Variants in GGA2 observed in about 807,000 individuals in gnomAD.
GGA2 encodes ADP-ribosylation factor-binding protein GGA2.
In GGA2, 48 loss-of-function variants were observed where a neutral mutation model predicts 79.5. The observed-to-expected ratio is 0.60, with a 90% CI of 0.48 to 0.77. The LOEUF is 0.77. Among genes scored for constraint, GGA2 ranks in the 30% least tolerant of loss-of-function variants. The pLI, the probability that GGA2 is intolerant of heterozygous loss-of-function variation, is 0.00. For synonymous variants in GGA2, 317 were observed against 302.0 expected, an observed-to-expected ratio of 1.05 and a Z score of -0.51; for missense variants, 770 against 774.0, an observed-to-expected ratio of 0.99 and a Z score of 0.06.
rs981736918 is a variant in GGA2 at position 23,518,060 on chromosome 16, G to A, written c.61+1527C>T. 4.0e-5 allele frequency among the ~76,000 whole-genome samples: 6 copies of A among 151,632 alleles called. No homozygotes were observed. In the East Asian group the frequency reaches 7.7e-4, roughly 20 times the overall value. On this transcript the variant is annotated intron_variant, in intron 2 of 5. Transcript: ENST00000569300. ...CCTAAGTAGCTGGGATTACAGGTGC[G>A]CACCACCATGCCTGGCTAATTTTTG...
At chr16:23,505,234 T>C (rs763330969) in intron 1 of GGA2, among the ~76,000 whole-genome samples, 10 of 151,916 alleles carry the variant, frequency 6.6e-5, no homozygotes, top group Non-Finnish European at 1.0e-4. Context: ...TAGGACCAAG[T>C]GGAAGGAAGA....
In GGA2 at chr16:23,464,612, G is replaced by T. The variant is rs1014333674; in HGVS notation, c.*2978C>A. On this transcript the variant is annotated 3_prime_UTR_variant, in exon 17 of 17. Transcript: ENST00000309859. ...AATGTAAGTGCAGGGAGGACATGAT[G>T]TGGGATTATTTAGAAAACAGGCCAA... The T allele has an allele frequency of 1.3e-5, 2 of 152,086 alleles. No individual in the cohort carries two copies. The highest frequency in any genetic ancestry group is 1.3e-4 in the Admixed American group (2 of 15,262). The allele number at this position is 152,086 out of a possible 1,614,324, so 9.4% of individuals were successfully genotyped here.
At chr16:23,474,860 C>G (rs1264381881) in intron 14 of GGA2, 44 bp downstream of exon 14, 6 of 1,444,956 alleles carry the variant, frequency 4.2e-6, no homozygotes, top group Non-Finnish European at 4.9e-6. Flanking sequence ...CTAATAGATT[C>G]CCAGGGAAAA....
upstream of GGA2, chr16:23,510,558 C>CT (rs536540899): frequency 3.8e-5 from 15 of 389,738 alleles, no homozygotes; most frequent in Middle Eastern, 1.3e-3. Context: ...CCCAGGCCCC[C>CT]CCTCCACGCG....
chr16:23,487,000 T>G (rs1362574448), intron 6 of GGA2, among the ~76,000 whole-genome samples: 1 of 150,646 alleles, frequency 6.6e-6, no homozygotes, highest in African/African-American at 2.4e-5. Flanking sequence ...TTTTTTTTTT[T>G]GAGACGGGGT....
At chr16:23,476,611 A>T (rs769012571) in intron 13 of GGA2, among the ~76,000 whole-genome samples, 4 of 152,232 alleles carry the variant, frequency 2.6e-5, no homozygotes, top group African/African-American at 4.8e-5. Context: ...CACAGATATA[A>T]TATGAAAAGG....
intron 13 of GGA2, 80 bp from the exon 14 acceptor site, chr16:23,475,141 C>A: frequency 5.1e-6 from 4 of 782,108 alleles, no homozygotes; most frequent in Non-Finnish European, 4.0e-6. Context: ...TATTAAAGAA[C>A]AAGGAAAAAA....
At chr16:23,469,253 G>C in intron 15 of GGA2, 1 of 384,408 alleles carries the variant, frequency 2.6e-6, no homozygotes. Context: ...CTGAGACGCA[G>C]CATCAACAGC....
intron 14 of GGA2, among the ~76,000 whole-genome samples, chr16:23,471,233 C>A (rs1365676526): frequency 6.6e-6 from 1 of 152,150 alleles, no homozygotes; most frequent in African/African-American, 2.4e-5. Flanking sequence ...CACACACACA[C>A]AATATACCAC....
chr16:23,510,321 T>C lies in GGA2; in HGVS notation c.91A>G (p.Asn31Asp). The C allele has an allele frequency of 1.4e-6, 2 of 1,434,730 alleles. No homozygotes were observed. Among genetic ancestry groups the C allele is most frequent in the Non-Finnish European group, 1.8e-6 (2 of 1,093,142 alleles). 88.9% of individuals were successfully genotyped at this position (1,434,730 alleles called of 1,614,324 possible). Reference sequence around the variant, plus strand: ...GCCGAAGGCCTGCCAGGCTACTCACTGAGCCACAGCTCCAGCGACGCTGCC... The same window carrying C: ...GCCGAAGGCCTGCCAGGCTACTCACCGAGCCACAGCTCCAGCGACGCTGCC... ...GPAASLELWLNKATDPSMSEQ... is the reference protein window; with the variant it reads ...GPAASLELWLDKATDPSMSEQ... The change falls in exon 1 of 17, where the codon AAC becomes GAC. Residue 31 changes from asparagine to aspartate, a missense_variant and splice_region_variant. By Grantham distance (23) the Asn-to-Asp change is conservative. Coordinates refer to ENST00000309859, the MANE Select transcript of GGA2 (RefSeq NM_015044.4).
intron 2 of GGA2, chr16:23,519,562 A>G: frequency 2.5e-6 from 1 of 400,126 alleles, no homozygotes; most frequent in Non-Finnish European, 5.0e-6. Context: ...TTAATTGGTG[A>G]TGTAGGAGAA....
At position 23,495,811 on chromosome 16, in the gene GGA2, T is replaced by C. The variant is rs138463237; in HGVS notation, c.92-33A>G. On this transcript the variant is annotated intron_variant, in intron 1 of 16. Coordinates refer to ENST00000309859, the MANE Select transcript of GGA2 (RefSeq NM_015044.4). ...ATAAATAATAAAGTTAGAGAGTACA[T>C]AATAGGAAGAAATTTACACCCCTCC... The C allele has an allele frequency of 8.0e-5, 116 of 1,445,722 alleles. No homozygotes were observed. In the African/African-American group the frequency reaches 1.0e-3, roughly 13 times the overall value. The allele number at this position is 1,445,722 out of a possible 1,614,324, so 89.6% of individuals were successfully genotyped here.
chr16:23,493,797 T>TG (rs2142133499), intron 3 of GGA2: 2 of 322,890 alleles, frequency 6.2e-6, no homozygotes, highest in East Asian at 1.5e-4. Flanking sequence ...TGGTATCCAG[T>TG]GCCCAAGACC....
chr16:23,510,478 T>C lies in GGA2; in HGVS notation c.-67A>G, dbSNP rs987278673. 4.7e-5 allele frequency: 27 copies of C among 578,410 alleles called. No homozygotes were observed. Among genetic ancestry groups the C allele is most frequent in the African/African-American group, 2.3e-4 (12 of 51,572 alleles). 35.8% of individuals were successfully genotyped at this position (578,410 alleles called of 1,614,324 possible). A position where few individuals can be genotyped will look rare whatever the true frequency, so the allele number is the denominator to read the frequency against. On this transcript the variant is annotated 5_prime_UTR_variant, in exon 1 of 17. Transcript: ENST00000309859. Reference sequence around the variant, plus strand: ...TTCAGCCGCTGTAGCGTCCTGGCGCTCTCCTCTGCTGACTGCGCGGCAGGA... The same window carrying C: ...TTCAGCCGCTGTAGCGTCCTGGCGCCCTCCTCTGCTGACTGCGCGGCAGGA...
intron 8 of GGA2, among the ~76,000 whole-genome samples, chr16:23,483,245 G>A (rs540760984): frequency 2.4e-4 from 37 of 152,282 alleles, no homozygotes; most frequent in African/African-American, 8.9e-4. Context: ...GGTGGCTCAC[G>A]TCTGTAATCC....
At chr16:23,480,521 G>C (rs1340282659) in intron 10 of GGA2, 124 bp downstream of exon 10, 3 of 804,418 alleles carry the variant, frequency 3.7e-6, no homozygotes, top group South Asian at 2.1e-5. Flanking sequence ...CACAGGAAGG[G>C]GAACAAAGGG....
rs181597418 is a variant in GGA2 at position 23,480,650 on chromosome 16, G to A, written c.1001C>T (p.Ser334Phe). ...VTSSLGDIPV[S>F]RVFQNPAGCM... is the part of the protein sequence containing the mutation. ...GGAGAAGCTTTCAAACATACCTCTG[G>A]AGACAGGGATGTCTCCCAATGAGCT... The change falls in exon 10 of 17, where the codon TCC becomes TTC. Residue 334 changes from serine to phenylalanine, a missense_variant. Physicochemically the swap from Ser to Phe is radical, Grantham distance 155 (BLOSUM62 -2). Coordinates refer to ENST00000309859, the MANE Select transcript of GGA2 (RefSeq NM_015044.4). 30 of 1,612,160 alleles carry A rather than the reference G, an allele frequency of 1.9e-5. No individual in the cohort carries two copies. In the African/African-American group the frequency reaches 2.8e-4, roughly 15 times the overall value.
intron 1 of GGA2, among the ~76,000 whole-genome samples, chr16:23,498,098 G>A (rs968803043): frequency 2.6e-5 from 4 of 151,728 alleles, no homozygotes; most frequent in African/African-American, 9.7e-5. Context: ...TGGGCAACAC[G>A]GTGAAATCCC....
rs771208117 is a variant in GGA2 at position 23,479,754 on chromosome 16, C to A, written c.1129+11G>T. 2.5e-5 allele frequency: 41 copies of A among 1,613,622 alleles called. No homozygotes were observed. The highest frequency in any genetic ancestry group is 1.7e-4 in the Middle Eastern group (1 of 5,880). ...ATCCTGTGCCTGCTCCCCACAAGCA[C>A]CTGCCCTCACCCAAGGCTGCCAGGT... is the stretch of plus-strand genomic sequence containing the variant. On this transcript the variant is annotated intron_variant, in intron 11 of 16. Coordinates refer to ENST00000309859, the MANE Select transcript of GGA2 (RefSeq NM_015044.4).
Sources: allele counts gnomAD v4.1 joint callset (sites outside exome capture counted in the v4.1 genomes callset), GRCh38; gene constraint gnomAD v4.1.1; transcripts MANE v1.5; gene names NCBI Gene and HGNC (gene_info 2026-07-23, HGNC 2026-07-21).